CXADR: variants seen among roughly 807,000 people sequenced by gnomAD.
The protein encoded by CXADR is CXADR cell adhesion molecule.
Under a neutral mutation model 40.3 loss-of-function variants are expected in CXADR, and 20 were observed. The ratio of observed to expected loss-of-function variants is 0.50; its 90% CI spans 0.35 to 0.72. The LOEUF (loss-of-function observed/expected upper bound fraction) is 0.72. CXADR is among the 30% of genes least tolerant of loss of function. The pLI is 0.01. For synonymous variants in CXADR, 150 were observed against 161.3 expected (o/e 0.93, Z 0.53); for missense variants, 332 against 449.1 (o/e 0.74, Z 2.36).
intron 1 of CXADR, among the ~76,000 whole-genome samples, chr21:17,526,475 A>G (rs1016238271): frequency 4.6e-5 from 7 of 152,208 alleles, no homozygotes; most frequent in South Asian, 2.1e-4. Context: ...GCAGAAAAGT[A>G]TATGCATAAT....
At chr21:17,525,430 A>G (rs879513786) in intron 1 of CXADR, among the ~76,000 whole-genome samples, 3 of 152,216 alleles carry the variant, frequency 2.0e-5, no homozygotes, top group Admixed American at 6.5e-5. Context: ...AGTCCTCTCA[A>G]GGAATCTCAA....
intron 3 of CXADR, among the ~76,000 whole-genome samples, chr21:17,558,375 C>A (rs1387673349): frequency 6.6e-6 from 1 of 152,124 alleles, no homozygotes. Context: ...AGTGATCCCC[C>A]CACTGTCTTG....
intron 7 of CXADR, among the ~76,000 whole-genome samples, chr21:17,577,816 G>A (rs556535918): frequency 1.5e-4 from 23 of 151,468 alleles, no homozygotes; most frequent in South Asian, 6.3e-4. Context: ...CTCCCTCCCC[G>A]TTTCTCCTGG....
chr21:17,582,483 T>C (rs1469054459), intron 7 of CXADR, among the ~76,000 whole-genome samples: 1 of 152,036 alleles, frequency 6.6e-6, no homozygotes, highest in Non-Finnish European at 1.5e-5. Flanking sequence ...CACTGACTTA[T>C]CTCTCCCTCC....
intron 5 of CXADR, 79 bp downstream of exon 5, chr21:17,560,903 T>G: frequency 1.3e-6 from 2 of 1,566,162 alleles, no homozygotes; most frequent in South Asian, 1.2e-5. Context: ...AGCAAGTGTG[T>G]ATTAAGGACA....
chr21:17,609,294 A>G, the CXADR span: 1 of 793,052 alleles, frequency 1.3e-6, no homozygotes, highest in Non-Finnish European at 1.9e-6. Flanking sequence ...TATCTGAAGT[A>G]GAGAACAATC....
At chr21:17,633,598 C>T in the CXADR span, among the ~76,000 whole-genome samples, 1 of 152,178 alleles carries the variant, frequency 6.6e-6, no homozygotes, top group South Asian at 2.1e-4. Flanking sequence ...CCCAGACACA[C>T]TTTTCATCTA....
chr21:17,561,273 C>A, intron 5 of CXADR, 65 bp from the exon 6 acceptor site: 1 of 904,830 alleles, frequency 1.1e-6, no homozygotes, highest in Non-Finnish European at 1.6e-6. Context: ...AATGTATAGC[C>A]TACCTTCAGT....
intron 7 of CXADR, among the ~76,000 whole-genome samples, chr21:17,587,364 A>G (rs2061404941): frequency 2.0e-5 from 3 of 152,078 alleles, no homozygotes; most frequent in South Asian, 4.1e-4. Flanking sequence ...AACAGTGTAA[A>G]AGTGTTCCTA....
intron 5 of CXADR, 39 bp from the exon 6 acceptor site, chr21:17,561,291 CATGTATAT>C (rs2061116204): frequency 1.8e-6 from 2 of 1,136,360 alleles, no homozygotes; most frequent in Non-Finnish European, 2.5e-6. Flanking sequence ...AGTATCTATA[CATGTATAT>C]ATGTATATAT....
chr21:17,608,135 GGGA>G, the CXADR span, among the ~76,000 whole-genome samples: 1 of 152,318 alleles, frequency 6.6e-6, no homozygotes, highest in African/African-American at 2.4e-5. Flanking sequence ...GGGAGGCAAA[GGGA>G]GAAGATCGCG....
At chr21:17,588,509 G>A (rs1027653121) in intron 7 of CXADR, among the ~76,000 whole-genome samples, 2 of 152,118 alleles carry the variant, frequency 1.3e-5, no homozygotes, top group African/African-American at 4.8e-5. Flanking sequence ...GTGAATGGGA[G>A]TTCACTCATG....
intron 1 of CXADR, among the ~76,000 whole-genome samples, chr21:17,529,101 C>T (rs898458840): frequency 2.1e-5 from 3 of 145,376 alleles, no homozygotes; most frequent in Non-Finnish European, 4.5e-5. Flanking sequence ...TGCAGTGGCG[C>T]GATCTAGGCT....
intron 1 of CXADR, chr21:17,527,240 G>C (rs2060608514): frequency 6.6e-6 from 1 of 152,146 alleles, no homozygotes; most frequent in South Asian, 2.1e-4. Flanking sequence ...ACTACTTTTA[G>C]ACCAACCAAG....
downstream of CXADR, among the ~76,000 whole-genome samples, chr21:17,573,943 G>A (rs1025645802): frequency 6.6e-6 from 1 of 152,194 alleles, no homozygotes; most frequent in Non-Finnish European, 1.5e-5. Flanking sequence ...GTCTTTTTAA[G>A]TGAATCCTGC....
At chr21:17,624,122 A>G in the CXADR span, among the ~76,000 whole-genome samples, 1 of 152,064 alleles carries the variant, frequency 6.6e-6, no homozygotes, top group Admixed American at 6.6e-5. Flanking sequence ...ACAATGTTCT[A>G]CTAAGCCCCA....
At chr21:17,555,354 G>T (rs1386051977) in intron 3 of CXADR, among the ~76,000 whole-genome samples, 1 of 152,144 alleles carries the variant, frequency 6.6e-6, no homozygotes, top group African/African-American at 2.4e-5. Context: ...TTGATACTGG[G>T]CACGGCCCCT....
intron 6 of CXADR, among the ~76,000 whole-genome samples, chr21:17,563,940 C>CAAAAAAAAAAAAAAAAAA (rs35020228): frequency 0.081 from 3,005 of 37,118 alleles, 705 homozygotes; most frequent in Non-Finnish European, 0.14. Context: ...GACTCTGTCT[C>CAAAAAAAAAAAAAAAAAA]AAAAAAAAAA....
chr21:17,625,966 C>A, the CXADR span, among the ~76,000 whole-genome samples: 1 of 152,224 alleles, frequency 6.6e-6, no homozygotes. Flanking sequence ...GAGCGGGAGT[C>A]TGAAGACTTT....
Sources: allele counts gnomAD v4.1 joint callset (sites outside exome capture counted in the v4.1 genomes callset), GRCh38; gene constraint gnomAD v4.1.1; transcripts MANE v1.5; gene names NCBI Gene and HGNC (gene_info 2026-07-23, HGNC 2026-07-21).